Variants in SGK2 observed in about 807,000 individuals in gnomAD.
SGK2 encodes the protein serum/glucocorticoid regulated kinase 2.
Under a neutral mutation model 47.5 loss-of-function variants are expected in SGK2, and 36 were observed. The ratio of observed to expected loss-of-function variants is 0.76; its 90% CI spans 0.58 to 1.00. The LOEUF (loss-of-function observed/expected upper bound fraction) is 1.00. Ranked by LOEUF, SGK2 falls within the 50% of genes least tolerant of loss-of-function variation. The pLI is 0.00. For synonymous variants in SGK2, 157 were observed against 181.9 expected, an observed-to-expected ratio of 0.86 and a Z score of 1.10; for missense variants, 404 against 467.4, an observed-to-expected ratio of 0.86 and a Z score of 1.25.
At chr20:43,562,215 A>C (rs1379656031) in intron 1 of SGK2, among the ~76,000 whole-genome samples, 3 of 151,184 alleles carry the variant, frequency 2.0e-5, no homozygotes, top group African/African-American at 7.3e-5. Flanking sequence ...TGAGCTCAAG[A>C]CCAGCCTGGG....
At chr20:43,574,058 A>G (rs1390638244) in intron 9 of SGK2, among the ~76,000 whole-genome samples, 3 of 152,128 alleles carry the variant, frequency 2.0e-5, no homozygotes, top group Non-Finnish European at 4.4e-5. Context: ...TGGTATCTTC[A>G]CATTTTTAGG....
At chr20:43,574,104 G>A (rs1195894621) in intron 9 of SGK2, among the ~76,000 whole-genome samples, 1 of 152,150 alleles carries the variant, frequency 6.6e-6, no homozygotes, top group Non-Finnish European at 1.5e-5. Context: ...TAAATGCCCT[G>A]CCTGAGACCA....
rs1196350005 is a variant in SGK2, at chr20:43,567,068, CCCT to C, written c.40_42del (p.Ser14del). On this transcript the variant is annotated inframe_deletion and splice_region_variant, in exon 3 of 13. Coordinates refer to ENST00000373100, the MANE Select transcript of SGK2 (RefSeq NM_170693.3). ...TGATCATAATCACTTCTTTCTTTAG[CCCT>C]CCAGGGCCAATGGGAACATCAACCT... 4 of 1,613,528 alleles carry C rather than the reference CCCT, an allele frequency of 2.5e-6. No homozygotes were observed. The highest frequency in any genetic ancestry group is 3.4e-6 in the Non-Finnish European group (4 of 1,179,580).
intron 12 of SGK2, among the ~76,000 whole-genome samples, chr20:43,580,748 AG>A (rs1194851253): frequency 6.6e-4 from 92 of 139,788 alleles, no homozygotes; most frequent in African/African-American, 1.0e-3. Context: ...AAAAAAAAAA[AG>A]GGAATGTATG....
intron 1 of SGK2, among the ~76,000 whole-genome samples, chr20:43,564,504 T>TAC (rs146049264): frequency 1.3e-5 from 2 of 151,284 alleles, no homozygotes; most frequent in Non-Finnish European, 1.5e-5. Flanking sequence ...CGCACACACA[T>TAC]ACACACACAC....
chr20:43,565,408 G>C (rs1979640970), intron 1 of SGK2: 1 of 152,426 alleles, frequency 6.6e-6, no homozygotes, highest in African/African-American at 2.4e-5. Context: ...GCTAGGGGCA[G>C]GCTGCGCTTC....
intron 1 of SGK2, among the ~76,000 whole-genome samples, chr20:43,565,533 TG>T (rs1261324030): frequency 2.6e-5 from 4 of 152,154 alleles, no homozygotes; most frequent in African/African-American, 9.7e-5. Context: ...AAGAAGGCCA[TG>T]AGGTTGGTGC....
In SGK2 at chr20:43,585,113, A is replaced by G. The variant is rs1396586957; in HGVS notation, c.*97A>G. 2.5e-6 allele frequency: 3 copies of G among 1,188,276 alleles called. No individual in the cohort carries two copies. Among genetic ancestry groups the G allele is most frequent in the Non-Finnish European group, 3.6e-6 (3 of 841,090 alleles). The allele number at this position is 1,188,276 out of a possible 1,614,324, so 73.6% of individuals were successfully genotyped here. Reference sequence around the variant, plus strand: ...GCGACTCAAACTAACAATGGCTTCAACGAGAAGCAGGTTTATTTTTTCCAG... The same window carrying G: ...GCGACTCAAACTAACAATGGCTTCAGCGAGAAGCAGGTTTATTTTTTCCAG... On this transcript the variant is annotated 3_prime_UTR_variant, in exon 13 of 13. Transcript: ENST00000373100.
intron 4 of SGK2, 84 bp from the exon 5 acceptor site, chr20:43,567,832 A>C: frequency 1.3e-6 from 2 of 1,543,230 alleles, no homozygotes. Context: ...CTGCAGACAA[A>C]AGCAGGGGCA....
Position 43,583,583 on chromosome 20 carries a change from TACTTCATAA to T in SGK2, c.940-1267_940-1259del, listed in dbSNP as rs1980929066. On this transcript the variant is annotated intron_variant, in intron 12 of 12. Transcript: ENST00000373100. The stretch of plus-strand genomic sequence containing the variant: ...AAGCCCTTCCCCTTCCTCACCTGCT[TACTTCATAA>T]AACCCAGGCCTCCTCCACAGAGAGA... The T allele has an allele frequency of 1.0e-5, 10 of 985,442 alleles. No individual in the cohort carries two copies. The South Asian group carries it at 2.8e-4, about 28-fold the overall frequency. 61.0% of individuals were successfully genotyped at this position (985,442 alleles called of 1,614,324 possible). A position where few individuals can be genotyped will look rare whatever the true frequency, so the allele number is the denominator to read the frequency against.
Position 43,570,995 on chromosome 20 carries a change from T to G in SGK2, c.474-29T>G, listed in dbSNP as rs778481806. 5.0e-6 allele frequency: 8 copies of G among 1,612,226 alleles called. No homozygotes were observed. The South Asian group carries it at 8.8e-5, about 18-fold the overall frequency. On this transcript the variant is annotated intron_variant, in intron 7 of 12. Coordinates refer to ENST00000373100, the MANE Select transcript of SGK2 (RefSeq NM_170693.3). ...CTCCTCACTAAATGGCTGAGACACC[T>G]CAAGGCTGTTTTCTCTTATTTTCTG...
chr20:43,573,956 TGGG>T (rs1184799216), intron 9 of SGK2, among the ~76,000 whole-genome samples: 1 of 152,130 alleles, frequency 6.6e-6, no homozygotes, highest in Non-Finnish European at 1.5e-5. Context: ...GCCATGGTGT[TGGG>T]GGGCACAGGC....
chr20:43,564,102 T>C lies in SGK2; in HGVS notation c.-23-2371T>C, dbSNP rs536898928. 7.9e-5 allele frequency among the ~76,000 whole-genome samples: 12 copies of C among 152,316 alleles called. No individual in the cohort carries two copies. The East Asian group carries it at 2.3e-3, about 29-fold the overall frequency. On this transcript the variant is annotated intron_variant, in intron 1 of 12. Coordinates refer to ENST00000373100, the MANE Select transcript of SGK2 (RefSeq NM_170693.3). The stretch of plus-strand genomic sequence containing the variant: ...GAGAACATCTGCCTACCCCTCGGGA[T>C]CCTGGGGAGAGGAAGGGACCCTGTG...
chr20:43,577,368 T>TC (rs1215975395), intron 11 of SGK2, among the ~76,000 whole-genome samples: 1 of 146,666 alleles, frequency 6.8e-6, no homozygotes, highest in Non-Finnish European at 1.5e-5. Flanking sequence ...TTTTTTTTTT[T>TC]CCGAGACAGA....
At chr20:43,568,241 C>T (rs1979866553) in intron 5 of SGK2, among the ~76,000 whole-genome samples, 1 of 152,218 alleles carries the variant, frequency 6.6e-6, no homozygotes, top group Non-Finnish European at 1.5e-5. Context: ...CTGGGAAACA[C>T]AGGCTCCACG....
intron 11 of SGK2, among the ~76,000 whole-genome samples, chr20:43,577,066 A>G (rs1980503911): frequency 6.6e-6 from 1 of 152,160 alleles, no homozygotes. Context: ...ATAGACAATA[A>G]TGGGAGGGGG....
intron 2 of SGK2, 54 bp downstream of exon 2, chr20:43,566,585 C>A: frequency 7.8e-7 from 1 of 1,281,832 alleles, no homozygotes; most frequent in Non-Finnish European, 1.1e-6. Context: ...CTTCCCGAGG[C>A]TAAGGAAATC....
intron 2 of SGK2, 120 bp downstream of exon 2, chr20:43,566,651 G>A: frequency 1.5e-6 from 1 of 673,338 alleles, no homozygotes; most frequent in Non-Finnish European, 2.6e-6. Context: ...ACATAGAAAT[G>A]AGCCACTTGC....
rs969532278 is a variant in SGK2, at chr20:43,572,250, C to G, written c.597+113C>G. Reference sequence around the variant, plus strand: ...ACTCACTCCTTTGACCCAAACACTTCTCCTGAGTGGGCTATACACTGAACT... The same window carrying G: ...ACTCACTCCTTTGACCCAAACACTTGTCCTGAGTGGGCTATACACTGAACT... On this transcript the variant is annotated intron_variant, in intron 9 of 12. Transcript: ENST00000373100. The surrounding 1 kb of genome is among the most constrained non-coding windows in gnomAD (Gnocchi z 4.2). 2 of 766,706 alleles carry G rather than the reference C, an allele frequency of 2.6e-6. No individual in the cohort carries two copies. The highest frequency in any genetic ancestry group is 2.1e-5 in the Admixed American group (1 of 46,762). The allele number at this position is 766,706 out of a possible 1,614,324, so 47.5% of individuals were successfully genotyped here.
Sources: allele counts gnomAD v4.1 joint callset (sites outside exome capture counted in the v4.1 genomes callset), GRCh38; gene constraint gnomAD v4.1.1; non-coding constraint Gnocchi (gnomAD v3.1); transcripts MANE v1.5; gene names NCBI Gene and HGNC (gene_info 2026-07-23, HGNC 2026-07-21).